The following ARHGEF18 variants were observed in gnomAD, a reference collection of about 807,000 sequenced individuals.
ARHGEF18 encodes the protein Rho/Rac guanine nucleotide exchange factor 18.
In ARHGEF18, 93 loss-of-function variants were observed where a neutral mutation model predicts 155.7. The ratio of observed to expected loss-of-function variants is 0.60; its 90% CI spans 0.50 to 0.71. The LOEUF (loss-of-function observed/expected upper bound fraction) is 0.71. Ranked by LOEUF, ARHGEF18 falls within the 30% of genes least tolerant of loss-of-function variation. The pLI is 0.00. For synonymous variants in ARHGEF18, 742 were observed against 753.1 expected, an observed-to-expected ratio of 0.99 and a Z score of 0.24; for missense variants, 1,593 against 1,816.1, an observed-to-expected ratio of 0.88 and a Z score of 2.23.
At chr19:7,382,095 A>C (rs1970773409) in intron 8 of ARHGEF18, among the ~76,000 whole-genome samples, 1 of 151,926 alleles carries the variant, frequency 6.6e-6, no homozygotes, top group African/African-American at 2.4e-5. Flanking sequence ...GTGGGGGAGG[A>C]GATAGAAGAA....
intron 18 of ARHGEF18, among the ~76,000 whole-genome samples, chr19:7,457,876 G>A (rs1975945348): frequency 1.3e-5 from 2 of 152,176 alleles, no homozygotes; most frequent in African/African-American, 4.8e-5. Flanking sequence ...GCACAAGACA[G>A]AGATGGGTTT....
At chr19:7,365,808 T>C (rs910664313) in intron 2 of ARHGEF18, among the ~76,000 whole-genome samples, 5 of 152,124 alleles carry the variant, frequency 3.3e-5, no homozygotes, top group Admixed American at 1.3e-4. Context: ...TCCATTTCTG[T>C]GCATTGCACC....
chr19:7,408,255 T>C (rs1204038724), intron 10 of ARHGEF18, among the ~76,000 whole-genome samples: 1 of 152,076 alleles, frequency 6.6e-6, no homozygotes, highest in East Asian at 1.9e-4. Context: ...CCAGCCTGGA[T>C]GATAAAGTGA....
At chr19:7,433,931 A>G (rs1249382279) in intron 10 of ARHGEF18, among the ~76,000 whole-genome samples, 1 of 151,052 alleles carries the variant, frequency 6.6e-6, no homozygotes, top group Non-Finnish European at 1.5e-5. Context: ...AGGCAGGAGA[A>G]TCACTTGAAC....
chr19:7,376,669 G>A lies in ARHGEF18; in HGVS notation c.453G>A (p.Gly151=), dbSNP rs1199903971. 1 of 1,234,332 alleles carries A rather than the reference G, an allele frequency of 8.1e-7. No individual in the cohort carries two copies. Among genetic ancestry groups the A allele is most frequent in the Non-Finnish European group, 1.0e-6 (1 of 988,252 alleles). The allele number at this position is 1,234,332 out of a possible 1,614,324, so 76.5% of individuals were successfully genotyped here. A position where few individuals can be genotyped will look rare whatever the true frequency, so the allele number is the denominator to read the frequency against. The part of the protein sequence containing the change: ...GKECDSPKKR[G]RSRSVPVSFY... ...AATGTGACAGCCCCAAGAAAAGAGG[G>A]AGGTCAAGGTCCGTTCCTGTGTCCT... The change falls in exon 5 of 29, where the codon GGG becomes GGA. Residue 151 remains glycine, a synonymous_variant. Coordinates refer to ENST00000668164, the MANE Select transcript of ARHGEF18 (RefSeq NM_001367823.1).
At chr19:7,397,191 G>T (rs897619230) in intron 10 of ARHGEF18, among the ~76,000 whole-genome samples, 1 of 150,560 alleles carries the variant, frequency 6.6e-6, no homozygotes, top group Admixed American at 6.6e-5. Context: ...TTTTGTAAAC[G>T]TTACTTTGTT....
In ARHGEF18 at chr19:7,444,580, A is replaced by T. The variant is rs922815007; in HGVS notation, c.1611+126A>T. On this transcript the variant is annotated intron_variant, in intron 14 of 28. Transcript: ENST00000668164. The surrounding 1 kb of genome is among the most constrained non-coding windows in gnomAD (Gnocchi z 4.7). ...GGCTGGAGTGCAGTGGTGCAGTCAC[A>T]GCTCAATGCAGCCTCAACCTCTCAG... is the stretch of plus-strand genomic sequence containing the variant. The T allele has an allele frequency of 4.5e-6, 6 of 1,324,400 alleles. No individual in the cohort carries two copies. In the East Asian group the frequency reaches 1.0e-4, roughly 22 times the overall value. 82.0% of individuals were successfully genotyped at this position (1,324,400 alleles called of 1,614,324 possible).
intron 2 of ARHGEF18, among the ~76,000 whole-genome samples, chr19:7,366,356 C>T (rs73494901): frequency 0.013 from 2,043 of 152,330 alleles, 51 homozygotes; most frequent in African/African-American, 0.046. Flanking sequence ...TGTTCCCCAA[C>T]GGTCCACACC....
At chr19:7,352,531 C>CTTT (rs35219215) in intron 1 of ARHGEF18, among the ~76,000 whole-genome samples, 9,349 of 93,178 alleles carry the variant, frequency 0.1, 1,696 homozygotes, top group African/African-American at 0.2. Context: ...CCTAGGTTTC[C>CTTT]TTTTTTTTTT....
intron 8 of ARHGEF18, among the ~76,000 whole-genome samples, chr19:7,381,679 AAAATAAATAAATAATAAAT>A (rs1430433382): frequency 1.4e-5 from 2 of 145,668 alleles, no homozygotes; most frequent in African/African-American, 5.4e-5. Context: ...CTCCGTCTCA[AAAATAAATAAATAATAAAT>A]AAATAAATAA....
At chr19:7,411,013 T>C (rs1043075447) in intron 10 of ARHGEF18, among the ~76,000 whole-genome samples, 2 of 151,948 alleles carry the variant, frequency 1.3e-5, no homozygotes. Flanking sequence ...AGGCAGATGC[T>C]TTTTCAGCAT....
At chr19:7,455,514 GGGGGACTGAGGGGCACGA>G (rs1975773236) in intron 17 of ARHGEF18, among the ~76,000 whole-genome samples, 1 of 152,166 alleles carries the variant, frequency 6.6e-6, no homozygotes, top group Non-Finnish European at 1.5e-5. Context: ...AAGGCGCCAA[GGGGGACTGAGGGGCACGA>G]GGGGACTGAG....
At chr19:7,447,203 T>C in intron 15 of ARHGEF18, 35 bp downstream of exon 15, 2 of 1,560,954 alleles carry the variant, frequency 1.3e-6, no homozygotes, top group Non-Finnish European at 8.7e-7. Flanking sequence ...CAAAAACTTA[T>C]ATTCTGGCCG....
chr19:7,439,802 A>G, intron 10 of ARHGEF18: 1 of 1,433,288 alleles, frequency 7.0e-7, no homozygotes, highest in Non-Finnish European at 9.2e-7. Flanking sequence ...CCGTTTCATG[A>G]TCTTAGACTA....
In ARHGEF18 at chr19:7,442,024, G is replaced by A. The variant is rs1974680725; in HGVS notation, c.1332G>A (p.Glu444=). 6.2e-7 allele frequency: 1 copy of A among 1,614,144 alleles called. No homozygotes were observed. The highest frequency in any genetic ancestry group is 8.5e-7 in the Non-Finnish European group (1 of 1,180,050). ...DAAYAKKQKR[E]VVKRQDVLYE... ...CCTACGCCAAGAAGCAAAAGAGGGAGGTGGTGAAAAGACAAGATGTCCTTT... is the reference window on the plus strand; with the variant it reads ...CCTACGCCAAGAAGCAAAAGAGGGAAGTGGTGAAAAGACAAGATGTCCTTT... The change falls in exon 13 of 29, where the codon GAG becomes GAA. Residue 444 remains glutamate, a synonymous_variant. Transcript: ENST00000668164.
intron 10 of ARHGEF18, among the ~76,000 whole-genome samples, chr19:7,398,640 G>A (rs573841183): frequency 2.1e-4 from 32 of 150,128 alleles, no homozygotes; most frequent in Middle Eastern, 6.8e-3. Context: ...GCAGTGAGCC[G>A]AGATCACGCC....
chr19:7,387,665 A>G (rs1382284683), intron 10 of ARHGEF18, among the ~76,000 whole-genome samples: 1 of 151,876 alleles, frequency 6.6e-6, no homozygotes, highest in East Asian at 1.9e-4. Flanking sequence ...CCCAAGCTAC[A>G]TCTTTGCTTT....
At chr19:7,353,688 C>T (rs1178646775) in intron 1 of ARHGEF18, among the ~76,000 whole-genome samples, 7 of 151,484 alleles carry the variant, frequency 4.6e-5, no homozygotes, top group African/African-American at 1.7e-4. Flanking sequence ...TGTGGTGGCT[C>T]ACACCTGTAA....
chr19:7,421,678 C>T (rs1973358105), intron 10 of ARHGEF18, among the ~76,000 whole-genome samples: 1 of 152,146 alleles, frequency 6.6e-6, no homozygotes, highest in Non-Finnish European at 1.5e-5. Flanking sequence ...AGGAGGATCA[C>T]TTGAACCCAG....
Sources: gnomAD v4.1 joint callset for allele counts (sites outside exome capture counted in the v4.1 genomes callset) on GRCh38, gnomAD v4.1.1 for gene constraint, Gnocchi (gnomAD v3.1) non-coding constraint, MANE v1.5 for transcripts, NCBI Gene and HGNC (gene_info 2026-07-23, HGNC 2026-07-21) for gene names.